The following AGAP4 variants were observed in gnomAD, a reference collection of about 807,000 sequenced individuals.
AGAP4 encodes the protein arf-GAP with GTPase, ANK repeat and PH domain-containing protein 4.
A neutral mutation model predicts 60.7 loss-of-function variants in AGAP4; 13 were observed. That is an observed-to-expected ratio of 0.21 (90% CI 0.14 to 0.34). AGAP4 has a LOEUF of 0.34. Among genes scored for constraint, AGAP4 ranks in the 10% least tolerant of loss-of-function variants. AGAP4 has a pLI of 1.00. For missense variants in AGAP4, 169 were observed against 884.0 expected (o/e 0.19, Z 10.26); for synonymous variants, 70 against 339.0 (o/e 0.21, Z 8.72).
Position 45,832,347 on chromosome 10 carries a change from C to A in AGAP4, c.498-918G>T, listed in dbSNP as rs2058747354. 2.0e-5 allele frequency among the ~76,000 whole-genome samples: 3 copies of A among 149,482 alleles called. 1 individual carries two copies. The highest frequency in any genetic ancestry group is 4.5e-5 in the Non-Finnish European group (3 of 67,076). ...AAACAGACCTTAAAACTGACTTGCC[C>A]AAGGTCCCACCAAATTGGAGCAGTT... On this transcript the variant is annotated intron_variant, in intron 5 of 7. Coordinates refer to ENST00000616763, the MANE Select transcript of AGAP4 (RefSeq NM_001276343.3).
chr10:45,852,718 G>A (rs1419025147), intron 1 of AGAP4, among the ~76,000 whole-genome samples: 2 of 151,846 alleles, frequency 1.3e-5, no homozygotes, highest in Admixed American at 1.3e-4. Context: ...CACAGTGGAA[G>A]GAAAAATAAT....
At chr10:45,831,964 C>A (rs1279032631) in intron 5 of AGAP4, among the ~76,000 whole-genome samples, 2 of 146,154 alleles carry the variant, frequency 1.4e-5, no homozygotes, top group Admixed American at 1.4e-4. Context: ...GGCTGGAGTG[C>A]AATGGTGTGA....
At chr10:45,851,426 A>C (rs1353731388), upstream of AGAP4, among the ~76,000 whole-genome samples, 1 of 152,042 alleles carries the variant, frequency 6.6e-6, no homozygotes, top group Non-Finnish European at 1.5e-5. Flanking sequence ...ATGCAGAGTC[A>C]AATTTTGCCA....
chr10:45,828,748 G>C (rs1448251950), intron 6 of AGAP4, among the ~76,000 whole-genome samples: 1 of 63,694 alleles, frequency 1.6e-5, no homozygotes, highest in Non-Finnish European at 3.0e-5. Context: ...CCAGGCTGGA[G>C]TGCAATGGTG....
upstream of AGAP4, among the ~76,000 whole-genome samples, chr10:45,852,216 T>TCAAAAAAAAAA: frequency 1.1e-5 from 1 of 89,850 alleles, no homozygotes; most frequent in African/African-American, 5.4e-5. Context: ...CGGCCAGACT[T>TCAAAAAAAAAA]TAAAAAAAAA....
intron 3 of AGAP4, 29 bp downstream of exon 3, chr10:45,844,297 T>C (rs2058966409): frequency 3.1e-6 from 5 of 1,594,072 alleles, no homozygotes; most frequent in Non-Finnish European, 3.4e-6. Flanking sequence ...TTATTCTTTC[T>C]CTTGGTGGAA....
intron 6 of AGAP4, among the ~76,000 whole-genome samples, chr10:45,830,608 C>A (rs1554896987): frequency 8.3e-6 from 1 of 120,088 alleles, no homozygotes; most frequent in African/African-American, 3.2e-5. Flanking sequence ...GCCTCAGCCT[C>A]CAGAATAGGT....
upstream of AGAP4, among the ~76,000 whole-genome samples, chr10:45,851,068 C>G (rs1307601567): frequency 6.6e-6 from 1 of 151,714 alleles, no homozygotes; most frequent in African/African-American, 2.4e-5. Context: ...ATTGAGGCAC[C>G]TTGTATAAAA....
At chr10:45,838,187 A>C (rs1253967230) in intron 4 of AGAP4, among the ~76,000 whole-genome samples, 1 of 149,202 alleles carries the variant, frequency 6.7e-6, no homozygotes, top group Non-Finnish European at 1.5e-5. Context: ...AAGTGAAATA[A>C]CTCAGCATGG....
chr10:45,844,649 G>A (rs1267592862), intron 2 of AGAP4: 7 of 261,156 alleles, frequency 2.7e-5, no homozygotes, highest in Non-Finnish European at 4.0e-5. Context: ...GTAACATAAT[G>A]ACACCCTCCT....
chr10:45,851,303 G>A (rs1430224367), upstream of AGAP4, among the ~76,000 whole-genome samples: 13 of 152,030 alleles, frequency 8.6e-5, no homozygotes, highest in African/African-American at 1.9e-4. Context: ...TATGAATCAG[G>A]AATGGCTGCT....
chr10:45,844,510 C>T lies in AGAP4; in HGVS notation c.293-116G>A, dbSNP rs77941038. ...TCACTATCTCTACTTTGATTCTTATCCATTGAAATGAATGTATAGACATAA... is the reference window on the plus strand; with the variant it reads ...TCACTATCTCTACTTTGATTCTTATTCATTGAAATGAATGTATAGACATAA... On this transcript the variant is annotated intron_variant, in intron 2 of 7. Transcript: ENST00000616763. 1.5e-3 allele frequency: 2,325 copies of T among 1,514,650 alleles called. 170 individuals are homozygous for T. In the African/African-American group the frequency reaches 0.029, roughly 19 times the overall value. The allele number at this position is 1,514,650 out of a possible 1,614,324, so 93.8% of individuals were successfully genotyped here.
At chr10:45,853,987 T>G (rs1283766630), upstream of AGAP4, 1 of 850,044 alleles carries the variant, frequency 1.2e-6, no homozygotes, top group Non-Finnish European at 1.5e-6. Context: ...TGGACTTAAT[T>G]CTACTGGAGA....
intron 4 of AGAP4, among the ~76,000 whole-genome samples, chr10:45,839,310 T>C (rs2058879543): frequency 3.3e-5 from 4 of 121,620 alleles, no homozygotes; most frequent in Admixed American, 1.7e-4. Context: ...AATGGCACTT[T>C]GGAAAGTAGG....
chr10:45,852,592 C>T (rs2059098740), intron 1 of AGAP4, among the ~76,000 whole-genome samples: 1 of 151,516 alleles, frequency 6.6e-6, no homozygotes. Flanking sequence ...TCATAGGAAG[C>T]AAAGGGTCAT....
At chr10:45,841,775 T>C (rs2058922940) in intron 3 of AGAP4, 88 bp from the exon 4 acceptor site, 18 of 1,068,076 alleles carry the variant, frequency 1.7e-5, no homozygotes, top group East Asian at 1.4e-4. Flanking sequence ...ATTACTCCTA[T>C]GAAAAATGAG....
chr10:45,826,621 C>T lies in AGAP4; in HGVS notation c.1355G>A (p.Ser452Asn), dbSNP rs781927586. ...GCTGGTCAGCTGGGACTTGCTTTTA[C>T]TGCTCTCGCATGACTGCAGGCTGGC... The part of the protein sequence containing the change: ...ILASLQSCES[S>N]KSKSQLTSQS... Residue 452 changes from serine to asparagine, a missense_variant, in exon 8 of 8, where the codon AGT becomes AAT. By Grantham distance (46) the Ser-to-Asn change is conservative. Transcript: ENST00000616763. The T allele has an allele frequency of 1.4e-6, 2 of 1,399,424 alleles. No homozygotes were observed. Among genetic ancestry groups the T allele is most frequent in the Non-Finnish European group, 1.9e-6 (2 of 1,034,664 alleles). The allele number at this position is 1,399,424 out of a possible 1,614,324, so 86.7% of individuals were successfully genotyped here. A position where few individuals can be genotyped will look rare whatever the true frequency, so the allele number is the denominator to read the frequency against.
At chr10:45,847,517 C>G, upstream of AGAP4, 1 of 1,509,900 alleles carries the variant, frequency 6.6e-7, no homozygotes, top group Non-Finnish European at 8.8e-7. Context: ...CTGGCCCTGG[C>G]CCCGGCCCCG....
At chr10:45,849,335 C>T (rs1435221443), upstream of AGAP4, among the ~76,000 whole-genome samples, 4 of 151,632 alleles carry the variant, frequency 2.6e-5, no homozygotes, top group Non-Finnish European at 4.4e-5. Flanking sequence ...CCCCCTAGGC[C>T]CCTCCCTCGA....
Sources: gnomAD v4.1 joint callset for allele counts (sites outside exome capture counted in the v4.1 genomes callset) on GRCh38, gnomAD v4.1.1 for gene constraint, MANE v1.5 for transcripts, NCBI Gene and HGNC (gene_info 2026-07-23, HGNC 2026-07-21) for gene names.